TULP4: variants seen among roughly 807,000 people sequenced by gnomAD.
The protein encoded by TULP4 is tubby-related protein 4.
Under a neutral mutation model 129.0 loss-of-function variants are expected in TULP4, and 16 were observed. The ratio of observed to expected loss-of-function variants is 0.12; its 90% confidence interval spans 0.08 to 0.19. The LOEUF is 0.19. Ranked by LOEUF, TULP4 falls within the 10% of genes least tolerant of loss-of-function variation. The pLI is 1.00. For synonymous variants in TULP4, 998 were observed against 854.0 expected, an observed-to-expected ratio of 1.17 and a Z score of -2.94; for missense variants, 1,842 against 2,059.1, an observed-to-expected ratio of 0.89 and a Z score of 2.04.
chr6:158,501,772 C>G lies in TULP4; in HGVS notation c.2109C>G (p.Pro703=), dbSNP rs200306402. Residue 703 remains proline (P), a synonymous_variant, in exon 13 of 14, where the codon CCC becomes CCG. Coordinates refer to ENST00000367097, the MANE Select transcript of TULP4 (RefSeq NM_020245.5). ...PIHSSAQAMS[P]TQSIGLVQSL... is the part of the protein sequence containing the mutation. Reference sequence around the variant, plus strand: ...ACAGCTCGGCTCAGGCTATGTCCCCCACGCAGAGCATAGGGCTGGTGCAGT... The same window carrying G: ...ACAGCTCGGCTCAGGCTATGTCCCCGACGCAGAGCATAGGGCTGGTGCAGT... 6.2e-7 allele frequency: 1 copy of G among 1,614,184 alleles called. No homozygotes were observed. Among genetic ancestry groups the G allele is most frequent in the Admixed American group, 1.7e-5 (1 of 60,028 alleles).
chr6:158,470,278 G>A (rs1779649752), intron 6 of TULP4, among the ~76,000 whole-genome samples: 1 of 152,238 alleles, frequency 6.6e-6, no homozygotes, highest in Non-Finnish European at 1.5e-5. Context: ...GCGAGCGAAA[G>A]CTCAGCTTGA....
chr6:158,496,247 G>A (rs1277133083), intron 11 of TULP4, among the ~76,000 whole-genome samples: 1 of 152,252 alleles, frequency 6.6e-6, no homozygotes, highest in Non-Finnish European at 1.5e-5. Flanking sequence ...CCTCCATTTT[G>A]AGCGTGCTGT....
chr6:158,377,156 G>C (rs962734603), intron 1 of TULP4, among the ~76,000 whole-genome samples: 2 of 152,200 alleles, frequency 1.3e-5, no homozygotes, highest in African/African-American at 4.8e-5. Flanking sequence ...TTTCTGTACA[G>C]AGAGCAGTCC....
chr6:158,340,973 AAGCCTTTGCAG>A (rs1378583848), intron 1 of TULP4, among the ~76,000 whole-genome samples: 6 of 151,996 alleles, frequency 3.9e-5, no homozygotes, highest in Non-Finnish European at 8.8e-5. Flanking sequence ...TTGTTTGTTT[AAGCCTTTGCAG>A]AGCCATGGAT....
chr6:158,342,376 A>C (rs1471045503), intron 1 of TULP4, among the ~76,000 whole-genome samples: 3 of 152,232 alleles, frequency 2.0e-5, no homozygotes, highest in African/African-American at 7.2e-5. Flanking sequence ...AATATTTATC[A>C]ACATGAGTCA....
At chr6:158,409,702 G>A (rs989487729) in intron 1 of TULP4, among the ~76,000 whole-genome samples, 3 of 152,294 alleles carry the variant, frequency 2.0e-5, no homozygotes, top group African/African-American at 7.2e-5. Flanking sequence ...AGCATTAGCA[G>A]TTTGGCTTTA....
chr6:158,274,731 T>G (rs868703582), intron 1 of TULP4, among the ~76,000 whole-genome samples: 2 of 151,834 alleles, frequency 1.3e-5, no homozygotes, highest in African/African-American at 2.4e-5. Context: ...GAGCCGAGAT[T>G]GCGCCCCTGC....
intron 1 of TULP4, among the ~76,000 whole-genome samples, chr6:158,330,074 CAAT>C (rs1275543382): frequency 8.5e-5 from 13 of 152,118 alleles, no homozygotes; most frequent in Admixed American, 3.9e-4. Flanking sequence ...TACTTTAACT[CAAT>C]ATATCTAAAA....
chr6:158,386,047 G>C (rs1296226766), intron 1 of TULP4, among the ~76,000 whole-genome samples: 2 of 151,662 alleles, frequency 1.3e-5, no homozygotes, highest in African/African-American at 2.4e-5. Flanking sequence ...GTCTCACTTT[G>C]TTGCTCAGGC....
At chr6:158,339,943 C>T (rs1161917478) in intron 1 of TULP4, among the ~76,000 whole-genome samples, 1 of 152,182 alleles carries the variant, frequency 6.6e-6, no homozygotes, top group Non-Finnish European at 1.5e-5. Context: ...GATAAATGTC[C>T]ATGAAATCTT....
intron 7 of TULP4, 66 bp downstream of exon 7, chr6:158,480,041 C>T (rs1036385443): frequency 6.0e-6 from 8 of 1,324,532 alleles, no homozygotes; most frequent in Middle Eastern, 2.6e-4. Flanking sequence ...AGAGCCAGGG[C>T]AGAGACAGGT....
At chr6:158,384,211 C>G (rs149068786) in intron 1 of TULP4, among the ~76,000 whole-genome samples, 1 of 151,948 alleles carries the variant, frequency 6.6e-6, no homozygotes, top group South Asian at 2.1e-4. Context: ...TTTTTATTAC[C>G]ATAATGTAGT....
intron 1 of TULP4, among the ~76,000 whole-genome samples, chr6:158,399,635 A>G (rs375233950): frequency 2.6e-4 from 40 of 152,330 alleles, no homozygotes; most frequent in African/African-American, 8.4e-4. Flanking sequence ...CAGGCACTTC[A>G]TATATGTGTA....
chr6:158,436,668 C>A (rs1009016342), intron 3 of TULP4, among the ~76,000 whole-genome samples: 7 of 152,142 alleles, frequency 4.6e-5, no homozygotes, highest in Admixed American at 4.6e-4. Flanking sequence ...AAATACTAAA[C>A]CTTTTTAAAA....
intron 8 of TULP4, among the ~76,000 whole-genome samples, chr6:158,485,975 T>A (rs1780055147): frequency 6.6e-6 from 1 of 152,238 alleles, no homozygotes; most frequent in Admixed American, 6.5e-5. Context: ...TCAGGTCCCA[T>A]CCATACTGGA....
chr6:158,420,135 CAA>C (rs377095335), intron 2 of TULP4, among the ~76,000 whole-genome samples: 1 of 152,160 alleles, frequency 6.6e-6, no homozygotes, highest in Non-Finnish European at 1.5e-5. Flanking sequence ...TATCATATAA[CAA>C]GAGGAAAATC....
At chr6:158,435,974 G>A (rs1042834715) in intron 3 of TULP4, among the ~76,000 whole-genome samples, 151 of 151,722 alleles carry the variant, frequency 1.0e-3, no homozygotes, top group African/African-American at 3.1e-3. Flanking sequence ...TCGCCCAGTG[G>A]CACGATCTCG....
intron 8 of TULP4, among the ~76,000 whole-genome samples, chr6:158,485,683 G>A (rs1269626766): frequency 6.6e-6 from 1 of 152,252 alleles, no homozygotes; most frequent in Non-Finnish European, 1.5e-5. Context: ...CAGGATCCCT[G>A]CCAGAGTTAG....
chr6:158,415,957 A>G (rs894017484), intron 2 of TULP4, among the ~76,000 whole-genome samples: 12 of 152,206 alleles, frequency 7.9e-5, no homozygotes, highest in African/African-American at 2.9e-4. Flanking sequence ...AAACCACAAA[A>G]GTTGGGAAGT....
Sources: gnomAD v4.1 joint callset for allele counts (sites outside exome capture counted in the v4.1 genomes callset) on GRCh38, gnomAD v4.1.1 for gene constraint, MANE v1.5 for transcripts, NCBI Gene and HGNC (gene_info 2026-07-23, HGNC 2026-07-21) for gene names.